Variants in PSD3 observed in about 807,000 individuals in gnomAD.
PSD3 encodes pleckstrin and Sec7 domain containing 3.
In PSD3, 49 loss-of-function variants were observed where a neutral mutation model predicts 105.5. The ratio of observed to expected loss-of-function variants is 0.46; its 90% CI spans 0.37 to 0.59. The LOEUF is 0.59. Among genes scored for constraint, PSD3 ranks in the 20% least tolerant of loss-of-function variants. The pLI, the probability that PSD3 is intolerant of heterozygous loss-of-function variation, is 0.00. For synonymous variants in PSD3, 557 were observed against 457.8 expected, an observed-to-expected ratio of 1.22 and a Z score of -2.77; for missense variants, 1,561 against 1,263.8, an observed-to-expected ratio of 1.24 and a Z score of -3.57.
intron 9 of PSD3, among the ~76,000 whole-genome samples, chr8:18,707,940 G>A (rs1802000408): frequency 6.6e-6 from 1 of 152,178 alleles, no homozygotes; most frequent in South Asian, 2.1e-4. Context: ...GAGCTGAATT[G>A]CTCAGGGCAA....
chr8:18,968,582 ATGT>A (rs1824431208), intron 1 of PSD3, among the ~76,000 whole-genome samples: 1 of 152,184 alleles, frequency 6.6e-6, no homozygotes. Flanking sequence ...ATACTTTAAA[ATGT>A]TGTGGCCTGG....
At chr8:18,996,684 CTT>C (rs369237410) in intron 1 of PSD3, among the ~76,000 whole-genome samples, 58 of 152,000 alleles carry the variant, frequency 3.8e-4, no homozygotes, top group African/African-American at 1.4e-3. Flanking sequence ...TAAAACATCT[CTT>C]GACCTCATTT....
Position 18,535,545 on chromosome 8 carries a change from C to G in PSD3, c.*198G>C. 1 of 579,122 alleles carries G rather than the reference C, an allele frequency of 1.7e-6. No individual in the cohort carries two copies. The highest frequency in any genetic ancestry group is 3.0e-6 in the Non-Finnish European group (1 of 328,938). The allele number at this position is 579,122 out of a possible 1,614,324, so 35.9% of individuals were successfully genotyped here. On this transcript the variant is annotated 3_prime_UTR_variant, in exon 16 of 16. Coordinates refer to ENST00000327040, the MANE Select transcript of PSD3 (RefSeq NM_015310.4). ...AAAAGGTGCATTAGCTATCAAGTTG[C>G]AAAAATCATCAAAGCAAAAGAAATC... is the stretch of plus-strand genomic sequence containing the variant.
chr8:18,537,519 A>G (rs1000154228), intron 15 of PSD3, among the ~76,000 whole-genome samples: 3 of 152,202 alleles, frequency 2.0e-5, no homozygotes, highest in Non-Finnish European at 4.4e-5. Context: ...AAAACCAGAG[A>G]TACTTACTTT....
At position 18,986,841 on chromosome 8, in the gene PSD3, G is replaced by A. The variant is rs527489697; in HGVS notation, c.21+26722C>T. On this transcript the variant is annotated intron_variant, in intron 1 of 15. Coordinates refer to ENST00000327040, the MANE Select transcript of PSD3 (RefSeq NM_015310.4). ...GGGCAGATAAGGAACTTCTTCCCAC[G>A]CCTAATCCATGAGGACTTGAGGAAA... Among the ~76,000 whole-genome samples the A allele has an allele frequency of 8.5e-5, 13 of 152,200 alleles. No individual in the cohort carries two copies. In the East Asian group the frequency reaches 1.2e-3, roughly 14 times the overall value.
chr8:18,639,606 A>C (rs575532391), intron 10 of PSD3, among the ~76,000 whole-genome samples: 1 of 152,216 alleles, frequency 6.6e-6, no homozygotes, highest in South Asian at 2.1e-4. Flanking sequence ...ACACATACAG[A>C]AGGAAGACCC....
At chr8:18,748,005 G>A (rs1805167922) in intron 9 of PSD3, among the ~76,000 whole-genome samples, 1 of 152,014 alleles carries the variant, frequency 6.6e-6, no homozygotes, top group African/African-American at 2.4e-5. Flanking sequence ...AGCTTTAAGG[G>A]CAAAATATGA....
At chr8:18,932,511 G>T (rs550059302) in intron 2 of PSD3, among the ~76,000 whole-genome samples, 2 of 152,284 alleles carry the variant, frequency 1.3e-5, no homozygotes, top group Admixed American at 1.3e-4. Context: ...TCCAATTACT[G>T]GCATGCTGTG....
At chr8:18,985,524 C>G (rs1032262114) in intron 1 of PSD3, among the ~76,000 whole-genome samples, 2 of 152,158 alleles carry the variant, frequency 1.3e-5, no homozygotes, top group African/African-American at 4.8e-5. Context: ...AATAAAGCTA[C>G]AAACTATGAT....
chr8:18,776,256 CTCTCTA>C (rs1194724156), intron 8 of PSD3, among the ~76,000 whole-genome samples: 1 of 145,652 alleles, frequency 6.9e-6, no homozygotes, highest in African/African-American at 2.5e-5. Context: ...CTCTCTCTCT[CTCTCTA>C]TATATATATA....
chr8:18,869,189 G>T (rs1033887783), intron 3 of PSD3, among the ~76,000 whole-genome samples: 1 of 72,740 alleles, frequency 1.4e-5, no homozygotes, highest in African/African-American at 6.9e-5. Flanking sequence ...ACTCTCCCCT[G>T]CTTTTTTTTT....
intron 1 of PSD3, among the ~76,000 whole-genome samples, chr8:18,998,421 C>T (rs10111161): frequency 0.35 from 53,668 of 151,716 alleles, 10,219 homozygotes; most frequent in Middle Eastern, 0.57. Context: ...GGTGCGGTGG[C>T]TCACGCCTGT....
chr8:18,888,471 T>C (rs1407554474), intron 2 of PSD3, among the ~76,000 whole-genome samples: 1 of 151,268 alleles, frequency 6.6e-6, no homozygotes, highest in Admixed American at 6.6e-5. Flanking sequence ...TCTGTGAGCC[T>C]CAATTTCCAT....
intron 9 of PSD3, among the ~76,000 whole-genome samples, chr8:18,732,356 T>C (rs1377743889): frequency 6.6e-6 from 1 of 152,216 alleles, no homozygotes; most frequent in East Asian, 1.9e-4. Flanking sequence ...CCTGTCTCAG[T>C]AATCTATTGC....
intron 9 of PSD3, among the ~76,000 whole-genome samples, chr8:18,673,576 G>A (rs1213074157): frequency 6.6e-6 from 1 of 152,102 alleles, no homozygotes; most frequent in Non-Finnish European, 1.5e-5. Flanking sequence ...CACAGCTGTT[G>A]TCCCAGGGTT....
At chr8:18,616,404 G>A (rs1386284596) in intron 11 of PSD3, among the ~76,000 whole-genome samples, 2 of 152,180 alleles carry the variant, frequency 1.3e-5, no homozygotes, top group African/African-American at 4.8e-5. Flanking sequence ...TGCATCTGTG[G>A]AGAGAATCTG....
intron 11 of PSD3, among the ~76,000 whole-genome samples, chr8:18,628,766 A>G (rs1334919426): frequency 6.6e-6 from 1 of 151,964 alleles, no homozygotes; most frequent in Non-Finnish European, 1.5e-5. Flanking sequence ...GTGACAAATT[A>G]AAGATGTACA....
intron 4 of PSD3, among the ~76,000 whole-genome samples, chr8:18,820,809 G>C (rs1812636276): frequency 6.6e-6 from 1 of 152,212 alleles, no homozygotes; most frequent in African/African-American, 2.4e-5. Context: ...TATCACCCAG[G>C]CTGGAGTGCA....
chr8:18,729,614 C>G (rs1803580930), intron 9 of PSD3, among the ~76,000 whole-genome samples: 1 of 152,184 alleles, frequency 6.6e-6, no homozygotes, highest in Admixed American at 6.5e-5. Context: ...TAGATTTTAA[C>G]TGGATAATTT....
Sources: allele counts gnomAD v4.1 joint callset (sites outside exome capture counted in the v4.1 genomes callset), GRCh38; gene constraint gnomAD v4.1.1; transcripts MANE v1.5; gene names NCBI Gene and HGNC (gene_info 2026-07-23, HGNC 2026-07-21).